Variants in IMMP2L observed in about 807,000 individuals in gnomAD.
IMMP2L encodes mitochondrial inner membrane protease subunit 2.
A neutral mutation model predicts 19.3 loss-of-function variants in IMMP2L; 18 were observed. The observed-to-expected ratio is 0.93, with a 90% CI of 0.64 to 1.38. IMMP2L has a LOEUF of 1.38. Ranked by LOEUF, IMMP2L falls within the 40% of genes most tolerant of loss-of-function variation. The probability of loss-of-function intolerance (pLI) is 0.00; values close to 1 mark genes in which losing one functional copy is unlikely to be tolerated. For missense variants in IMMP2L, 233 were observed against 218.2 expected, an observed-to-expected ratio of 1.07 and a Z score of -0.43; for synonymous variants, 76 against 73.0, an observed-to-expected ratio of 1.04 and a Z score of -0.21.
chr7:111,209,224 CCTCT>C (rs1490151481), intron 3 of IMMP2L, among the ~76,000 whole-genome samples: 1 of 151,690 alleles, frequency 6.6e-6, no homozygotes, highest in Non-Finnish European at 1.5e-5. Context: ...AGTGAAACTC[CCTCT>C]CTAATAAAAA....
chr7:111,080,019 A>G (rs547420143), intron 3 of IMMP2L, among the ~76,000 whole-genome samples: 1 of 57,492 alleles, frequency 1.7e-5, no homozygotes, highest in African/African-American at 3.1e-5. Flanking sequence ...CAGAACTACA[A>G]AAAAAAAAAT....
intron 3 of IMMP2L, among the ~76,000 whole-genome samples, chr7:111,287,999 A>T (rs146574831): frequency 0.011 from 1,723 of 152,328 alleles, 34 homozygotes; most frequent in African/African-American, 0.038. Context: ...TGCCTTGCAT[A>T]GGTAAACATC....
At chr7:110,702,729 G>C (rs1198619849) in intron 5 of IMMP2L, among the ~76,000 whole-genome samples, 1 of 151,968 alleles carries the variant, frequency 6.6e-6, no homozygotes, top group Non-Finnish European at 1.5e-5. Flanking sequence ...TGCTAGTATA[G>C]AGAAACAAAT....
chr7:111,336,321 T>A (rs1826403648), intron 3 of IMMP2L, among the ~76,000 whole-genome samples: 1 of 151,902 alleles, frequency 6.6e-6, no homozygotes. Context: ...CCCAAAGTGC[T>A]GGGATTACAG....
chr7:111,222,374 G>C (rs1812613103), intron 3 of IMMP2L, among the ~76,000 whole-genome samples: 1 of 151,586 alleles, frequency 6.6e-6, no homozygotes, highest in African/African-American at 2.4e-5. Flanking sequence ...AAAAACACAT[G>C]AGCAAAATTA....
chr7:111,124,933 A>AC, intron 3 of IMMP2L: 2 of 403,044 alleles, frequency 5.0e-6, no homozygotes, highest in Non-Finnish European at 7.0e-6. Flanking sequence ...AAAAATGAAC[A>AC]AAAAAAAAAA....
intron 3 of IMMP2L, among the ~76,000 whole-genome samples, chr7:111,281,242 A>T (rs1424909661): frequency 7.2e-6 from 1 of 138,284 alleles, no homozygotes; most frequent in Non-Finnish European, 1.5e-5. Flanking sequence ...GAAAGAAAGA[A>T]AGAAGAGAGA....
At position 111,142,341 on chromosome 7, in the gene IMMP2L, AAAG is replaced by A. The variant is rs1333003974; in HGVS notation, c.240-178779_240-178777del. On this transcript the variant is annotated intron_variant, in intron 3 of 5. Coordinates refer to ENST00000405709, the MANE Select transcript of IMMP2L (RefSeq NM_032549.4). ...ACTCTGTCTCAAAAAAAAAAAAAAA[AAAG>A]AAAGAAAGAAAGAAAGAAAGAAAGA... Among the ~76,000 whole-genome samples the A allele has an allele frequency of 7.7e-3, 49 of 6,358 alleles. 1 individual carries two copies. The highest frequency in any genetic ancestry group is 0.011 in the African/African-American group (46 of 4,294). 4.2% of individuals were successfully genotyped at this position (6,358 alleles called of 152,430 possible).
At chr7:110,804,595 C>A (rs1187514872) in intron 5 of IMMP2L, among the ~76,000 whole-genome samples, 1 of 152,106 alleles carries the variant, frequency 6.6e-6, no homozygotes, top group Non-Finnish European at 1.5e-5. Flanking sequence ...CTAGGGACTA[C>A]ATTTCCCAGA....
intron 3 of IMMP2L, among the ~76,000 whole-genome samples, chr7:111,411,044 C>T (rs1224724816): frequency 6.9e-6 from 1 of 144,958 alleles, no homozygotes; most frequent in African/African-American, 2.6e-5. Flanking sequence ...TTCAACAAAG[C>T]CCAGGAAGAA....
At chr7:111,293,192 A>G (rs1821291070) in intron 3 of IMMP2L, among the ~76,000 whole-genome samples, 1 of 152,024 alleles carries the variant, frequency 6.6e-6, no homozygotes, top group Non-Finnish European at 1.5e-5. Context: ...TTGATTGAGC[A>G]TTAGACCAAA....
intron 3 of IMMP2L, among the ~76,000 whole-genome samples, chr7:111,106,880 G>T (rs939784412): frequency 1.3e-5 from 2 of 151,488 alleles, no homozygotes; most frequent in South Asian, 4.2e-4. Context: ...GCTTTGTTTA[G>T]AAGAGTAAAG....
chr7:110,836,689 A>G (rs1804519449), intron 5 of IMMP2L, among the ~76,000 whole-genome samples: 1 of 152,174 alleles, frequency 6.6e-6, no homozygotes, highest in African/African-American at 2.4e-5. Context: ...TCTCTCATGC[A>G]TCATAAGTTA....
In IMMP2L at chr7:111,214,328, C is replaced by CTTTTTTTTTTTTTTTTTTTTTTTTTT. The variant is rs1484229556; in HGVS notation, c.240-250764_240-250763insAAAAAAAAAAAAAAAAAAAAAAAAAA. On this transcript the variant is annotated intron_variant, in intron 3 of 5. Coordinates refer to ENST00000405709, the MANE Select transcript of IMMP2L (RefSeq NM_032549.4). The stretch of plus-strand genomic sequence containing the variant: ...GTGAATGAATGACAAAGTAATTTTT[C>CTTTTTTTTTTTTTTTTTTTTTTTTTT]TTCTTTTTTTTTTTTTTTTTTTTTT... 2.3e-4 allele frequency among the ~76,000 whole-genome samples: 20 copies of CTTTTTTTTTTTTTTTTTTTTTTTTTT among 85,110 alleles called. 9 individuals carry two copies. The highest frequency in any genetic ancestry group is 2.5e-4 in the Non-Finnish European group (11 of 44,320). The allele number at this position is 85,110 out of a possible 152,430, so 55.8% of individuals were successfully genotyped here.
At chr7:111,214,785 T>TA (rs983194626) in intron 3 of IMMP2L, among the ~76,000 whole-genome samples, 150 of 134,956 alleles carry the variant, frequency 1.1e-3, no homozygotes, top group Admixed American at 4.5e-3. Context: ...CATAACCATG[T>TA]AAAAAAAAAA....
At chr7:110,949,578 T>G (rs1817586492) in intron 4 of IMMP2L, among the ~76,000 whole-genome samples, 1 of 152,144 alleles carries the variant, frequency 6.6e-6, no homozygotes, top group Non-Finnish European at 1.5e-5. Flanking sequence ...TACATAAACT[T>G]TTATTGGGAA....
At chr7:110,672,190 C>G (rs1479893478) in intron 5 of IMMP2L, among the ~76,000 whole-genome samples, 1 of 151,990 alleles carries the variant, frequency 6.6e-6, no homozygotes, top group Non-Finnish European at 1.5e-5. Flanking sequence ...GGGAAGCAAA[C>G]ATGTCCTTCT....
At chr7:111,201,708 C>A (rs1341806755) in intron 3 of IMMP2L, among the ~76,000 whole-genome samples, 2 of 149,496 alleles carry the variant, frequency 1.3e-5, no homozygotes, top group African/African-American at 2.5e-5. Flanking sequence ...AGAGCAAGAC[C>A]CTGTCTCAAA....
At chr7:110,747,805 A>G (rs1238466016) in intron 5 of IMMP2L, among the ~76,000 whole-genome samples, 1 of 152,222 alleles carries the variant, frequency 6.6e-6, no homozygotes, top group African/African-American at 2.4e-5. Context: ...CTGAATGGGC[A>G]AAAACTGGAA....
Sources: gnomAD v4.1 joint callset for allele counts (sites outside exome capture counted in the v4.1 genomes callset) on GRCh38, gnomAD v4.1.1 for gene constraint, MANE v1.5 for transcripts, NCBI Gene and HGNC (gene_info 2026-07-23, HGNC 2026-07-21) for gene names.